The following KAZN variants were observed in gnomAD, a reference collection of about 807,000 sequenced individuals.
The protein encoded by KAZN is kazrin, periplakin interacting protein, also known as kazrin.
KAZN carries 40 observed loss-of-function variants against 87.4 expected under a neutral mutation model. That is an observed-to-expected ratio of 0.46 (90% CI 0.36 to 0.60). The LOEUF (loss-of-function observed/expected upper bound fraction) is 0.60. Ranked by LOEUF, KAZN falls within the 20% of genes least tolerant of loss-of-function variation. The probability of loss-of-function intolerance (pLI) is 0.00; values close to 1 mark genes in which losing one functional copy is unlikely to be tolerated. For synonymous variants in KAZN, 466 were observed against 458.3 expected (o/e 1.02, Z -0.22); for missense variants, 898 against 1,073.9 (o/e 0.84, Z 2.29).
chr1:14,373,056 C>A (rs780269109), intron 2 of KAZN, among the ~76,000 whole-genome samples: 1 of 151,948 alleles, frequency 6.6e-6, no homozygotes, highest in East Asian at 1.9e-4. Context: ...GAGGTTGCCA[C>A]GTGACCAGCT....
At chr1:14,353,781 A>C (rs534095073) in intron 2 of KAZN, among the ~76,000 whole-genome samples, 2 of 152,206 alleles carry the variant, frequency 1.3e-5, no homozygotes, top group African/African-American at 2.4e-5. Context: ...GACAGAAATG[A>C]AAAAACTAAG....
chr1:14,971,807 T>A (rs955004003), intron 2 of KAZN, among the ~76,000 whole-genome samples: 2 of 151,606 alleles, frequency 1.3e-5, no homozygotes, highest in Non-Finnish European at 2.9e-5. Flanking sequence ...GGAGTTTTAA[T>A]GCATTCTCCG....
intron 1 of KAZN, among the ~76,000 whole-genome samples, chr1:14,077,325 G>A (rs1643501755): frequency 6.6e-6 from 1 of 152,190 alleles, no homozygotes; most frequent in South Asian, 2.1e-4. Context: ...TCTGTAAAGG[G>A]CTGTCCCCAT....
chr1:14,378,667 G>A (rs1184260706), intron 2 of KAZN, among the ~76,000 whole-genome samples: 1 of 152,220 alleles, frequency 6.6e-6, no homozygotes, highest in African/African-American at 2.4e-5. Flanking sequence ...GAACTCAGCA[G>A]ATGCCTGCCC....
chr1:14,849,691 T>C (rs2100973021), intron 1 of KAZN, among the ~76,000 whole-genome samples: 1 of 152,354 alleles, frequency 6.6e-6, no homozygotes, highest in South Asian at 2.1e-4. Context: ...AGCTTGCGCT[T>C]TCTCTTTCAG....
chr1:14,546,100 G>C (rs906331077), intron 2 of KAZN, among the ~76,000 whole-genome samples: 2 of 152,090 alleles, frequency 1.3e-5, no homozygotes, highest in African/African-American at 4.8e-5. Flanking sequence ...AAATGCCAAC[G>C]ATGTGAAAAA....
At chr1:14,321,625 A>G (rs1656056400) in intron 2 of KAZN, among the ~76,000 whole-genome samples, 1 of 152,204 alleles carries the variant, frequency 6.6e-6, no homozygotes, top group Non-Finnish European at 1.5e-5. Flanking sequence ...TTTGATCAGA[A>G]AATGATCATT....
chr1:14,093,161 C>A (rs959453269), intron 1 of KAZN, among the ~76,000 whole-genome samples: 25 of 152,178 alleles, frequency 1.6e-4, no homozygotes, highest in Admixed American at 1.3e-4. Context: ...TGTCTCTGTG[C>A]CCCAACACCA....
intron 1 of KAZN, among the ~76,000 whole-genome samples, chr1:13,894,023 G>T (rs142850872): frequency 6.6e-6 from 1 of 152,318 alleles, no homozygotes; most frequent in South Asian, 2.1e-4. Flanking sequence ...CTTCGTCATC[G>T]ATTTTCTCTG....
Position 14,613,622 on chromosome 1 carries a change from C to T in KAZN, c.226+14399C>T, listed in dbSNP as rs148811435. Among the ~76,000 whole-genome samples the T allele has an allele frequency of 4.7e-3, 718 of 152,322 alleles. 2 individuals are homozygous for T. Among genetic ancestry groups the T allele is most frequent in the Middle Eastern group, 0.02 (6 of 294 alleles). ...ATTCAGTAGCTTTGTCAAATGGTTA[C>T]AGCTTCGGTATTGCATATATTTGAA... On this transcript the variant is annotated intron_variant, in intron 1 of 14. Coordinates refer to ENST00000376030, the MANE Select transcript of KAZN (RefSeq NM_201628.3).
At chr1:14,002,403 T>G (rs1482634768) in intron 1 of KAZN, among the ~76,000 whole-genome samples, 1 of 152,220 alleles carries the variant, frequency 6.6e-6, no homozygotes, top group East Asian at 1.9e-4. Flanking sequence ...CTTCTAGTGA[T>G]AGTGAATAAG....
intron 1 of KAZN, among the ~76,000 whole-genome samples, chr1:14,887,335 A>C (rs985971363): frequency 2.6e-5 from 4 of 152,206 alleles, no homozygotes; most frequent in African/African-American, 9.7e-5. Flanking sequence ...GAAGAACTTG[A>C]GGCTCCTTTC....
intron 2 of KAZN, among the ~76,000 whole-genome samples, chr1:14,193,850 C>T (rs1310425882): frequency 6.6e-6 from 1 of 151,962 alleles, no homozygotes; most frequent in African/African-American, 2.4e-5. Flanking sequence ...GCCTAGGGTC[C>T]TCTAAGAGCC....
chr1:14,971,666 T>G (rs1186815462), intron 2 of KAZN, among the ~76,000 whole-genome samples: 1 of 147,762 alleles, frequency 6.8e-6, no homozygotes, highest in Non-Finnish European at 1.5e-5. Flanking sequence ...GAGTTGTTTT[T>G]TTTTTTTTCT....
At chr1:14,560,720 T>C (rs1326897025) in intron 2 of KAZN, among the ~76,000 whole-genome samples, 2 of 151,674 alleles carry the variant, frequency 1.3e-5, no homozygotes, top group African/African-American at 4.9e-5. Context: ...ATGATGATAA[T>C]GATGATGTGA....
chr1:14,147,564 C>T (rs1420392184), intron 1 of KAZN, among the ~76,000 whole-genome samples: 8 of 151,760 alleles, frequency 5.3e-5, no homozygotes, highest in Non-Finnish European at 8.8e-5. Context: ...GAGGCCAAGG[C>T]GAGTGGATTA....
intron 1 of KAZN, among the ~76,000 whole-genome samples, chr1:14,039,989 TCTTA>T (rs1427799769): frequency 6.6e-6 from 1 of 152,190 alleles, no homozygotes; most frequent in Admixed American, 6.5e-5. Context: ...GTTAGATAAA[TCTTA>T]CTTGGGTAAT....
At chr1:14,390,500 T>C (rs554797205) in intron 2 of KAZN, among the ~76,000 whole-genome samples, 3 of 152,230 alleles carry the variant, frequency 2.0e-5, no homozygotes, top group Non-Finnish European at 2.9e-5. Context: ...TGCAAATGTT[T>C]TGGGGGATGA....
At chr1:14,007,877 A>C (rs1640104676) in intron 1 of KAZN, among the ~76,000 whole-genome samples, 1 of 152,162 alleles carries the variant, frequency 6.6e-6, no homozygotes, top group Non-Finnish European at 1.5e-5. Context: ...TTGGAACAGG[A>C]TTCAAGCGTC....
Sources: gnomAD v4.1 joint callset for allele counts (sites outside exome capture counted in the v4.1 genomes callset) on GRCh38, gnomAD v4.1.1 for gene constraint, MANE v1.5 for transcripts, NCBI Gene and HGNC (gene_info 2026-07-23, HGNC 2026-07-21) for gene names.